Variants in ABCB4 observed in about 807,000 individuals in gnomAD.
ABCB4 encodes ATP binding cassette subfamily B member 4.
Under a neutral mutation model 145.7 loss-of-function variants are expected in ABCB4, and 76 were observed. The ratio of observed to expected loss-of-function variants is 0.52; its 90% CI spans 0.43 to 0.63. The LOEUF is 0.63. Ranked by LOEUF, ABCB4 falls within the 30% of genes least tolerant of loss-of-function variation. The pLI is 0.00. For missense variants in ABCB4, 1,234 were observed against 1,553.1 expected (o/e 0.79, Z 3.45); for synonymous variants, 517 against 566.8 (o/e 0.91, Z 1.25).
intron 26 of ABCB4, 90 bp from the exon 27 acceptor site, chr7:87,403,371 AAC>A (rs1183218707): frequency 2.4e-6 from 3 of 1,239,250 alleles, no homozygotes; most frequent in East Asian, 4.6e-5. Context: ...TAGAGTCAAT[AAC>A]AGTTTCTATA....
At chr7:87,472,707 C>T (rs756703527) in intron 2 of ABCB4, 32 bp from the exon 3 acceptor site, 6 of 1,443,320 alleles carry the variant, frequency 4.2e-6, no homozygotes, top group Non-Finnish European at 5.8e-6. Context: ...CAATTTAAAA[C>T]TGTTACAAAA....
At chr7:87,475,514 G>A (rs370942845) in intron 1 of ABCB4, 43 bp from the exon 2 acceptor site, 12 of 1,601,902 alleles carry the variant, frequency 7.5e-6, no homozygotes, top group African/African-American at 5.4e-5. Context: ...CACCCTCTCC[G>A]GCGGCCCGGC....
downstream of ABCB4, chr7:87,398,458 G>A: frequency 6.3e-7 from 1 of 1,576,286 alleles, no homozygotes; most frequent in Non-Finnish European, 8.7e-7. Flanking sequence ...ATAAAGTCCT[G>A]GTTGTATTCA....
chr7:87,419,544 TAAAC>T (rs1448770223), intron 19 of ABCB4, among the ~76,000 whole-genome samples: 1 of 152,008 alleles, frequency 6.6e-6, no homozygotes, highest in African/African-American at 2.4e-5. Context: ...AAATAAGAAA[TAAAC>T]AAAACTCAAT....
chr7:87,390,195 T>C, the ABCB4 span, among the ~76,000 whole-genome samples: 5 of 152,202 alleles, frequency 3.3e-5, no homozygotes, highest in Admixed American at 1.3e-4. Flanking sequence ...ATTTTGGTTA[T>C]GTTTTACAAT....
chr7:87,435,602 G>A (rs1306961175), intron 14 of ABCB4, among the ~76,000 whole-genome samples: 2 of 152,180 alleles, frequency 1.3e-5, no homozygotes, highest in African/African-American at 4.8e-5. Flanking sequence ...TTAGGCAACA[G>A]CCATCCCCAA....
rs951857218 is a variant in ABCB4 at position 87,442,114 on chromosome 7, G to T, written c.1356+1205C>A. On this transcript the variant is annotated intron_variant, in intron 12 of 27. Transcript: ENST00000649586. ...ACATATGCTTTCTTTAAAAATGTCA[G>T]TTGTTTCAATAATAATTTAATTCTC... Among the ~76,000 whole-genome samples, 3 of 151,924 alleles carry T rather than the reference G, an allele frequency of 2.0e-5. No homozygotes were observed. In the South Asian group the frequency reaches 6.2e-4, roughly 32 times the overall value.
Position 87,402,210 on chromosome 7 carries a change from T to C in ABCB4, c.3726A>G (p.Ile1242Met). The change falls in exon 28 of 28, where the codon ATA becomes ATG. Residue 1242 changes from isoleucine (I) to methionine (M), a missense_variant. Ile to Met is a conservative substitution (Grantham distance 10). Around this residue, in one of 7 missense-constraint regions of ABCB4, gnomAD observed 58 missense variants for 75.9 expected, o/e 0.76. Coordinates refer to ENST00000649586, the MANE Select transcript of ABCB4 (RefSeq NM_000443.4). Reference protein sequence around the residue: ...RLSTIQNADLIVVFQNGRVKE... With the variant: ...RLSTIQNADLMVVFQNGRVKE... Reference sequence around the variant, plus strand: ...TGACTCTCCCATTCTGAAACACCACTATTAAGTCTGCATTCTGGATGGTGG... The same window carrying C: ...TGACTCTCCCATTCTGAAACACCACCATTAAGTCTGCATTCTGGATGGTGG... 1.9e-6 allele frequency: 3 copies of C among 1,614,122 alleles called. No individual in the cohort carries two copies. The highest frequency in any genetic ancestry group is 2.5e-6 in the Non-Finnish European group (3 of 1,179,988).
chr7:87,439,748 G>T lies in ABCB4; in HGVS notation c.1650C>A (p.Asn550Lys), dbSNP rs539294080. 2.5e-6 allele frequency: 4 copies of T among 1,614,140 alleles called. No individual in the cohort carries two copies. In the South Asian group the frequency reaches 4.4e-5, roughly 18 times the overall value. The part of the protein sequence containing the change: ...RIAIARALVR[N>K]PKILLLDEAT... ...CCTCATCCAGCAGAAGGATCTTGGG[G>T]TTGCGAACCAGGGCACGTGCAATGG... The change falls in exon 14 of 28, where the codon AAC becomes AAA. Residue 550 changes from asparagine to lysine, a missense_variant. By Grantham distance (94) the Asn-to-Lys change is moderately conservative. Transcript: ENST00000649586.
chr7:87,395,439 C>T, the ABCB4 span, among the ~76,000 whole-genome samples: 1 of 152,148 alleles, frequency 6.6e-6, no homozygotes, highest in Non-Finnish European at 1.5e-5. Context: ...TTCAATCAAA[C>T]CAAGTTGACA....
chr7:87,392,306 T>C, the ABCB4 span, among the ~76,000 whole-genome samples: 1 of 152,172 alleles, frequency 6.6e-6, no homozygotes, highest in East Asian at 1.9e-4. Context: ...GCTTTTATCT[T>C]TATACTTGTT....
In ABCB4 at chr7:87,402,116, C is replaced by T; in HGVS notation, c.3820G>A (p.Ala1274Thr). 1 of 1,614,018 alleles carries T rather than the reference C, an allele frequency of 6.2e-7. No homozygotes were observed. The highest frequency in any genetic ancestry group is 8.5e-7 in the Non-Finnish European group (1 of 1,180,020). Residue 1274 changes from alanine (A) to threonine (T), a missense_variant, in exon 28 of 28, where the codon GCT (alanine) becomes ACT (threonine). This residue lies in a region of ABCB4 where 58 missense variants were observed against 75.9 expected (regional missense o/e 0.76). Transcript: ENST00000649586. The part of the protein sequence containing the change: ...GIYFSMVSVQ[A>T]GTQNL ...AAAGTTCATAAGTTCTGTGTCCCAG[C>T]CTGGACACTGACCATTGAAAAATAG...
intron 8 of ABCB4, among the ~76,000 whole-genome samples, chr7:87,447,674 G>A (rs941787405): frequency 2.0e-5 from 3 of 152,158 alleles, no homozygotes; most frequent in Non-Finnish European, 4.4e-5. Flanking sequence ...TGTCCACTGG[G>A]TGAGGGATGA....
chr7:87,405,875 A>G (rs764090961), intron 26 of ABCB4: 2 of 295,300 alleles, frequency 6.8e-6, no homozygotes, highest in African/African-American at 2.2e-5. Flanking sequence ...GTGATACTGT[A>G]TACTAGTTTT....
Position 87,422,162 on chromosome 7 carries a change from A to G in ABCB4, c.2275T>C (p.Leu759=). ...AAAAAAGAAATAATTCCCAGAAATA[A>G]GAAAATCAAAGAGAATATGTTGCAC... ...QKCNIFSLIF[L]FLGIISFFTF... is the part of the protein sequence containing the mutation. Residue 759 remains leucine (L), a synonymous_variant, in exon 18 of 28, where the codon TTA becomes CTA. Coordinates refer to ENST00000649586, the MANE Select transcript of ABCB4 (RefSeq NM_000443.4). 1 of 1,613,522 alleles carries G rather than the reference A, an allele frequency of 6.2e-7. No individual in the cohort carries two copies. Among genetic ancestry groups the G allele is most frequent in the Non-Finnish European group, 8.5e-7 (1 of 1,179,628 alleles).
intron 23 of ABCB4, among the ~76,000 whole-genome samples, chr7:87,411,317 T>A (rs1808610685): frequency 6.6e-6 from 1 of 152,092 alleles, no homozygotes. Flanking sequence ...CAAGCCCAGA[T>A]TGCAACCTAA....
chr7:87,398,180 C>A, downstream of ABCB4: 1 of 380,336 alleles, frequency 2.6e-6, no homozygotes, highest in Non-Finnish European at 5.1e-6. Flanking sequence ...AGCATGAATT[C>A]ATATTCCAAC....
chr7:87,388,737 CA>C, the ABCB4 span, among the ~76,000 whole-genome samples: 1 of 152,110 alleles, frequency 6.6e-6, no homozygotes, highest in Non-Finnish European at 1.5e-5. Context: ...ATGACTAAAA[CA>C]ACAAAATCAA....
intron 4 of ABCB4, among the ~76,000 whole-genome samples, chr7:87,459,006 A>T (rs1029499881): frequency 1.3e-5 from 2 of 151,638 alleles, no homozygotes; most frequent in African/African-American, 4.8e-5. Context: ...AAAAAAAAGC[A>T]AACTGCTCCA....
Sources: gnomAD v4.1 joint callset for allele counts (sites outside exome capture counted in the v4.1 genomes callset) on GRCh38, gnomAD v4.1.1 for gene constraint, gnomAD v4.1.1 regional missense constraint, MANE v1.5 for transcripts, NCBI Gene and HGNC (gene_info 2026-07-23, HGNC 2026-07-21) for gene names.